Variants in PAK1 observed in about 807,000 individuals in gnomAD.
PAK1 encodes serine/threonine-protein kinase PAK 1.
PAK1 carries 29 observed loss-of-function variants against 67.4 expected under a neutral mutation model. The observed-to-expected ratio is 0.43, with a 90% CI of 0.32 to 0.59. The LOEUF (loss-of-function observed/expected upper bound fraction) is 0.59, where lower values mean the gene tolerates loss of function less well. PAK1 is among the 20% of genes least tolerant of loss of function. The probability of loss-of-function intolerance (pLI) is 0.07; values close to 1 mark genes in which losing one functional copy is unlikely to be tolerated. For synonymous variants in PAK1, 223 were observed against 237.4 expected (o/e 0.94, Z 0.56); for missense variants, 337 against 670.7 (o/e 0.50, Z 5.50).
intron 9 of PAK1, among the ~76,000 whole-genome samples, chr11:77,347,510 T>C (rs943991826): frequency 7.9e-5 from 12 of 152,260 alleles, no homozygotes; most frequent in African/African-American, 2.9e-4. Flanking sequence ...AGGATTGGTA[T>C]AGCCTTCTTT....
At chr11:77,509,501 AT>A in the PAK1 span, among the ~76,000 whole-genome samples, 1 of 152,162 alleles carries the variant, frequency 6.6e-6, no homozygotes, top group African/African-American at 2.4e-5. Context: ...TCCCAGGCCA[AT>A]TGTGGCAACC....
intron 14 of PAK1, chr11:77,325,481 G>T: frequency 2.5e-6 from 3 of 1,189,822 alleles, no homozygotes; most frequent in East Asian, 2.5e-5. Context: ...CCTAAAATAT[G>T]GTAAAGATTC....
At chr11:77,421,893 T>C (rs1439813052) in intron 1 of PAK1, among the ~76,000 whole-genome samples, 1 of 152,216 alleles carries the variant, frequency 6.6e-6, no homozygotes, top group Non-Finnish European at 1.5e-5. Context: ...GGTATTAACA[T>C]TGCCAATCAA....
chr11:77,461,890 A>T lies in PAK1; in HGVS notation c.-22+11662T>A, dbSNP rs1490880705. ...AAACATTGCCTTCGATAATACTAAA[A>T]AGAGCTGACCCACTAGAAGACAAAT... On this transcript the variant is annotated intron_variant, in intron 1 of 14. Coordinates refer to ENST00000356341, the MANE Select transcript of PAK1 (RefSeq NM_002576.5). Among the ~76,000 whole-genome samples the T allele has an allele frequency of 2.0e-5, 3 of 152,230 alleles. No individual in the cohort carries two copies. In the East Asian group the frequency reaches 5.8e-4, roughly 29 times the overall value.
At chr11:77,444,286 T>TA (rs142183219) in intron 1 of PAK1, among the ~76,000 whole-genome samples, 41,956 of 116,572 alleles carry the variant, frequency 0.36, 6,750 homozygotes, top group Middle Eastern at 0.4. Flanking sequence ...TGGAGAGCTC[T>TA]AAAAAAAAAA....
At chr11:77,456,622 T>C (rs1315337198) in intron 1 of PAK1, among the ~76,000 whole-genome samples, 1 of 152,250 alleles carries the variant, frequency 6.6e-6, no homozygotes, top group Non-Finnish European at 1.5e-5. Context: ...GTAATGATAA[T>C]GATAGCCGAC....
chr11:77,390,324 C>CT (rs1479752971), intron 2 of PAK1, among the ~76,000 whole-genome samples: 1 of 152,200 alleles, frequency 6.6e-6, no homozygotes, highest in African/African-American at 2.4e-5. Flanking sequence ...CCTCAGCCTC[C>CT]TGAGTAGCTG....
chr11:77,490,295 C>CCGACCCGG, the PAK1 span, among the ~76,000 whole-genome samples: 2 of 147,924 alleles, frequency 1.4e-5, no homozygotes, highest in Admixed American at 6.7e-5. Context: ...GGTCAGCCCC[C>CCGACCCGG]CCACCCGGCC....
intron 1 of PAK1, among the ~76,000 whole-genome samples, chr11:77,404,125 G>C (rs1164212653): frequency 6.6e-6 from 1 of 152,092 alleles, no homozygotes; most frequent in Non-Finnish European, 1.5e-5. Flanking sequence ...CTTTTCTTTA[G>C]AAATTACCTA....
intron 11 of PAK1, among the ~76,000 whole-genome samples, chr11:77,338,568 G>T (rs1332293017): frequency 1.3e-5 from 2 of 152,274 alleles, no homozygotes; most frequent in East Asian, 3.9e-4. Context: ...CTCAAAAGTT[G>T]AGTATAGAGT....
chr11:77,363,464 TA>T (rs1947075951), intron 5 of PAK1, among the ~76,000 whole-genome samples: 1 of 152,170 alleles, frequency 6.6e-6, no homozygotes, highest in Middle Eastern at 3.2e-3. Flanking sequence ...AGCAGTATGA[TA>T]AAAAGGAAAA....
chr11:77,475,636 A>T (rs942688314), upstream of PAK1: 2 of 152,198 alleles, frequency 1.3e-5, no homozygotes, highest in Non-Finnish European at 2.9e-5. Flanking sequence ...GCCAACACCT[A>T]TTCATTGTAC....
At chr11:77,492,149 G>T in the PAK1 span, among the ~76,000 whole-genome samples, 1 of 152,100 alleles carries the variant, frequency 6.6e-6, no homozygotes, top group Non-Finnish European at 1.5e-5. Flanking sequence ...TACAGAGATG[G>T]ATCACGAACA....
intron 9 of PAK1, among the ~76,000 whole-genome samples, chr11:77,347,536 T>C (rs1944618553): frequency 1.3e-5 from 2 of 152,252 alleles, no homozygotes; most frequent in Admixed American, 6.5e-5. Flanking sequence ...AATCTCTGCA[T>C]CATATTCACC....
chr11:77,349,139 A>AC (rs1944871848), intron 9 of PAK1, 100 bp downstream of exon 9: 1 of 857,520 alleles, frequency 1.2e-6, no homozygotes, highest in South Asian at 1.6e-5. Context: ...AAAAAAAAAA[A>AC]AACCTAGAAC....
At chr11:77,406,316 G>A (rs919504266) in intron 1 of PAK1, among the ~76,000 whole-genome samples, 18 of 152,062 alleles carry the variant, frequency 1.2e-4, no homozygotes, top group African/African-American at 3.4e-4. Flanking sequence ...AAGACCAAAC[G>A]GAACTCTTGG....
intron 1 of PAK1, chr11:77,397,222 C>G (rs1393919005): frequency 6.6e-6 from 1 of 152,194 alleles, no homozygotes; most frequent in African/African-American, 2.4e-5. Flanking sequence ...TACCAATGCC[C>G]CAGAGGCTCA....
intron 7 of PAK1, among the ~76,000 whole-genome samples, chr11:77,354,458 T>C (rs1373030339): frequency 6.6e-6 from 1 of 152,182 alleles, no homozygotes; most frequent in East Asian, 1.9e-4. Flanking sequence ...TAGAGAACAG[T>C]AGAAAATTGC....
At chr11:77,441,873 C>G (rs1257259415) in intron 1 of PAK1, among the ~76,000 whole-genome samples, 1 of 152,182 alleles carries the variant, frequency 6.6e-6, no homozygotes, top group Non-Finnish European at 1.5e-5. Flanking sequence ...CTGCAAGGAC[C>G]AAATCACCAG....
Sources: allele counts gnomAD v4.1 joint callset (sites outside exome capture counted in the v4.1 genomes callset), GRCh38; gene constraint gnomAD v4.1.1; transcripts MANE v1.5; gene names NCBI Gene and HGNC (gene_info 2026-07-23, HGNC 2026-07-21).